ST6GALNAC3: variants seen among roughly 807,000 people sequenced by gnomAD.
The protein encoded by ST6GALNAC3 is alpha-N-acetylgalactosaminide alpha-2,6-sialyltransferase 3.
In ST6GALNAC3, 25 loss-of-function variants were observed where a neutral mutation model predicts 32.7. The observed-to-expected ratio is 0.76, with a 90% CI of 0.56 to 1.07. The LOEUF (loss-of-function observed/expected upper bound fraction) is 1.07. Among genes scored for constraint, ST6GALNAC3 ranks in the 50% least tolerant of loss-of-function variants. The pLI, the probability that ST6GALNAC3 is intolerant of heterozygous loss-of-function variation, is 0.00. For missense variants in ST6GALNAC3, 355 were observed against 382.4 expected, an observed-to-expected ratio of 0.93 and a Z score of 0.60; for synonymous variants, 129 against 133.1, an observed-to-expected ratio of 0.97 and a Z score of 0.21.
chr1:76,173,315 A>T (rs890146312), intron 1 of ST6GALNAC3, among the ~76,000 whole-genome samples: 4 of 152,180 alleles, frequency 2.6e-5, no homozygotes, highest in African/African-American at 9.7e-5. Flanking sequence ...CCTTCCTTAC[A>T]CCTTATACAA....
chr1:76,495,900 T>A (rs1660820412), intron 3 of ST6GALNAC3, among the ~76,000 whole-genome samples: 2 of 152,154 alleles, frequency 1.3e-5, no homozygotes, highest in Admixed American at 1.3e-4. Flanking sequence ...GAGGAAACCT[T>A]CCAATTGAGT....
chr1:76,194,800 G>C (rs1476397662), intron 1 of ST6GALNAC3, among the ~76,000 whole-genome samples: 2 of 152,148 alleles, frequency 1.3e-5, no homozygotes, highest in Non-Finnish European at 2.9e-5. Context: ...AACTCCAATT[G>C]GTAGTTTTCT....
chr1:76,635,210 C>T (rs1214043982), downstream of ST6GALNAC3, among the ~76,000 whole-genome samples: 1 of 152,122 alleles, frequency 6.6e-6, no homozygotes, highest in African/African-American at 2.4e-5. Flanking sequence ...TTACTTTCCT[C>T]TCTCCTCTTA....
intron 1 of ST6GALNAC3, among the ~76,000 whole-genome samples, chr1:76,289,283 C>T (rs986876438): frequency 6.6e-6 from 1 of 152,182 alleles, no homozygotes; most frequent in African/African-American, 2.4e-5. Flanking sequence ...TGAGAGGTAG[C>T]ATAGGGCAGT....
intron 2 of ST6GALNAC3, among the ~76,000 whole-genome samples, chr1:76,323,856 A>G (rs1647016644): frequency 6.6e-6 from 1 of 151,976 alleles, no homozygotes; most frequent in East Asian, 1.9e-4. Context: ...TATTGTATTT[A>G]TTACTAGAAT....
chr1:76,233,244 T>A (rs1185734587), intron 1 of ST6GALNAC3, among the ~76,000 whole-genome samples: 1 of 152,186 alleles, frequency 6.6e-6, no homozygotes, highest in Non-Finnish European at 1.5e-5. Flanking sequence ...GTATCTGATA[T>A]GATTCACATT....
At chr1:76,400,875 A>G (rs2101212466) in intron 2 of ST6GALNAC3, among the ~76,000 whole-genome samples, 1 of 150,542 alleles carries the variant, frequency 6.6e-6, no homozygotes, top group Middle Eastern at 3.4e-3. Context: ...AGCCTGGGTA[A>G]CAAGAGTGAA....
intron 1 of ST6GALNAC3, among the ~76,000 whole-genome samples, chr1:76,310,163 C>G (rs1319195527): frequency 6.6e-6 from 1 of 152,128 alleles, no homozygotes; most frequent in Non-Finnish European, 1.5e-5. Flanking sequence ...TATTTTGCAA[C>G]AAGCTACCAA....
chr1:76,522,729 C>T (rs1409945065), intron 3 of ST6GALNAC3, among the ~76,000 whole-genome samples: 1 of 152,122 alleles, frequency 6.6e-6, no homozygotes, highest in Non-Finnish European at 1.5e-5. Flanking sequence ...TGAAGTGGGT[C>T]ATGAAAGACA....
At chr1:76,486,889 C>T (rs1660157369) in intron 3 of ST6GALNAC3, among the ~76,000 whole-genome samples, 2 of 152,124 alleles carry the variant, frequency 1.3e-5, no homozygotes, top group South Asian at 4.1e-4. Flanking sequence ...ATGTTTAGTG[C>T]TTCCTTCAGG....
At chr1:76,473,663 T>C (rs1659173676) in intron 3 of ST6GALNAC3, among the ~76,000 whole-genome samples, 1 of 152,164 alleles carries the variant, frequency 6.6e-6, no homozygotes, top group African/African-American at 2.4e-5. Context: ...TATTCTTTAG[T>C]AGACATTCCA....
intron 3 of ST6GALNAC3, among the ~76,000 whole-genome samples, chr1:76,565,978 G>A (rs964354356): frequency 6.6e-6 from 1 of 152,196 alleles, no homozygotes; most frequent in Non-Finnish European, 1.5e-5. Flanking sequence ...ATTGTTTCAA[G>A]GGATAGGTTG....
intron 1 of ST6GALNAC3, among the ~76,000 whole-genome samples, chr1:76,111,683 A>G (rs1221048068): frequency 6.7e-6 from 1 of 150,224 alleles, no homozygotes; most frequent in African/African-American, 2.5e-5. Flanking sequence ...AACAAAGCAC[A>G]TCTTGCACCA....
At chr1:76,363,180 A>C (rs1441878120) in intron 2 of ST6GALNAC3, among the ~76,000 whole-genome samples, 1 of 152,168 alleles carries the variant, frequency 6.6e-6, no homozygotes, top group Non-Finnish European at 1.5e-5. Context: ...TTCTTTGCTC[A>C]CACATTTGAG....
At chr1:76,550,824 C>A (rs60382515) in intron 3 of ST6GALNAC3, among the ~76,000 whole-genome samples, 2 of 152,228 alleles carry the variant, frequency 1.3e-5, no homozygotes, top group Admixed American at 6.5e-5. Flanking sequence ...GATCTCAGTT[C>A]GGTTCACTGC....
intron 1 of ST6GALNAC3, among the ~76,000 whole-genome samples, chr1:76,075,539 C>T (rs966777911): frequency 6.6e-6 from 1 of 152,282 alleles, no homozygotes; most frequent in African/African-American, 2.4e-5. Flanking sequence ...TGCCAGAGTG[C>T]GCTCAGCCAT....
intron 1 of ST6GALNAC3, among the ~76,000 whole-genome samples, chr1:76,106,527 T>C (rs963964569): frequency 1.3e-5 from 2 of 152,286 alleles, no homozygotes; most frequent in South Asian, 2.1e-4. Context: ...GATAATTGTG[T>C]TTTCCATTTG....
At chr1:76,151,909 GGT>G (rs1557656652) in intron 1 of ST6GALNAC3, among the ~76,000 whole-genome samples, 1 of 152,186 alleles carries the variant, frequency 6.6e-6, no homozygotes, top group Non-Finnish European at 1.5e-5. Flanking sequence ...TGGAGAAGCC[GGT>G]TCTTGAGAGT....
chr1:76,291,340 C>T (rs1490378650), intron 1 of ST6GALNAC3, among the ~76,000 whole-genome samples: 7 of 152,236 alleles, frequency 4.6e-5, no homozygotes, highest in African/African-American at 1.7e-4. Flanking sequence ...GCCGAAGGGG[C>T]ATCCTGCAGC....
Sources: allele counts gnomAD v4.1 joint callset (sites outside exome capture counted in the v4.1 genomes callset), GRCh38; gene constraint gnomAD v4.1.1; transcripts MANE v1.5; gene names NCBI Gene and HGNC (gene_info 2026-07-23, HGNC 2026-07-21).